Variants in NHSL1 observed in about 807,000 individuals in gnomAD.
NHSL1 encodes the protein NHS like 1.
In NHSL1, 48 loss-of-function variants were observed where a neutral mutation model predicts 95.0. That is an observed-to-expected ratio of 0.51 (90% confidence interval 0.40 to 0.64). NHSL1 has a LOEUF of 0.64. NHSL1 is among the 30% of genes least tolerant of loss of function. NHSL1 has a pLI of 0.00. For synonymous variants in NHSL1, 783 were observed against 833.9 expected, an observed-to-expected ratio of 0.94 and a Z score of 1.05; for missense variants, 1,971 against 2,077.7, an observed-to-expected ratio of 0.95 and a Z score of 1.00.
intron 1 of NHSL1, among the ~76,000 whole-genome samples, chr6:138,641,060 A>C (rs557911568): frequency 1.3e-5 from 2 of 152,374 alleles, no homozygotes; most frequent in East Asian, 3.9e-4. Flanking sequence ...GCTGATGAAG[A>C]TTCTTGCCCC....
In NHSL1 at chr6:138,432,238, T is replaced by C; in HGVS notation, c.2107A>G (p.Thr703Ala). Residue 703 changes from threonine (T) to alanine (A), a missense_variant, in exon 6 of 8, where the codon ACA becomes GCA. Physicochemically the swap from Thr to Ala is moderately conservative, Grantham distance 58. This residue lies in a region of NHSL1 where 1,602 missense variants were observed against 1,654.5 expected (regional missense o/e 0.97). Coordinates refer to ENST00000343505, the MANE Select transcript of NHSL1 (RefSeq NM_001144060.2). The surrounding 1 kb of genome is among the most constrained non-coding windows in gnomAD (Gnocchi z 4.4). ...CTCAGCTGCAGCGAGTGCTGGAGTG[T>C]GGCGATCAGGCTCTCGTTGAGCACC... The part of the protein sequence containing the change: ...GQVLNESLIA[T>A]LQHSLQLSLP... The C allele has an allele frequency of 6.5e-7, 1 of 1,549,152 alleles. No individual in the cohort carries two copies. Among genetic ancestry groups the C allele is most frequent in the South Asian group, 1.2e-5 (1 of 83,840 alleles).
At chr6:138,465,327 C>T (rs1484301468) in intron 3 of NHSL1, among the ~76,000 whole-genome samples, 1 of 152,146 alleles carries the variant, frequency 6.6e-6, no homozygotes, top group Non-Finnish European at 1.5e-5. Context: ...CAAAGAAACA[C>T]AGCAAGTGGC....
intron 3 of NHSL1, chr6:138,464,120 G>A (rs765966789): frequency 6.0e-5 from 32 of 532,682 alleles, no homozygotes; most frequent in Middle Eastern, 5.1e-4. Flanking sequence ...TATCCTCACC[G>A]CTATCTGGTC....
chr6:138,635,617 C>T (rs1178711569), intron 1 of NHSL1, among the ~76,000 whole-genome samples: 1 of 152,106 alleles, frequency 6.6e-6, no homozygotes, highest in African/African-American at 2.4e-5. Flanking sequence ...AATATTAATA[C>T]CAATCCTACT....
At chr6:138,553,522 T>C (rs1294559615) in intron 1 of NHSL1, among the ~76,000 whole-genome samples, 3 of 152,206 alleles carry the variant, frequency 2.0e-5, no homozygotes, top group Admixed American at 1.3e-4. Context: ...TGCTGGAACA[T>C]GATAGGTGAT....
At chr6:138,637,105 G>A (rs756354941) in intron 1 of NHSL1, among the ~76,000 whole-genome samples, 2 of 152,018 alleles carry the variant, frequency 1.3e-5, no homozygotes, top group South Asian at 2.1e-4. Context: ...CACATCTACC[G>A]TTAATTCATT....
At chr6:138,623,074 T>C (rs193131987) in intron 1 of NHSL1, among the ~76,000 whole-genome samples, 1 of 152,188 alleles carries the variant, frequency 6.6e-6, no homozygotes, top group African/African-American at 2.4e-5. Context: ...GGGCAGCAAG[T>C]GATGAAGTCA....
intron 1 of NHSL1, among the ~76,000 whole-genome samples, chr6:138,689,356 C>A (rs1391989567): frequency 6.6e-6 from 1 of 152,108 alleles, no homozygotes; most frequent in African/African-American, 2.4e-5. Flanking sequence ...AAGTAGGAGT[C>A]TTCAATGAAC....
At chr6:138,595,010 T>C (rs1784284204) in intron 1 of NHSL1, among the ~76,000 whole-genome samples, 1 of 152,198 alleles carries the variant, frequency 6.6e-6, no homozygotes, top group Non-Finnish European at 1.5e-5. Context: ...CATTTCACTA[T>C]ATGTCTTGGA....
intron 7 of NHSL1, among the ~76,000 whole-genome samples, chr6:138,428,804 AG>A (rs1411067463): frequency 6.6e-6 from 1 of 152,232 alleles, no homozygotes; most frequent in Non-Finnish European, 1.5e-5. Context: ...AAAAAAAGAA[AG>A]GATCTTCATT....
At chr6:138,604,005 A>T (rs1353992281) in intron 1 of NHSL1, among the ~76,000 whole-genome samples, 1 of 152,220 alleles carries the variant, frequency 6.6e-6, no homozygotes, top group Non-Finnish European at 1.5e-5. Context: ...AAATGTGTTC[A>T]GTACCAATAC....
intron 3 of NHSL1, among the ~76,000 whole-genome samples, chr6:138,454,983 A>G (rs1777487181): frequency 6.6e-6 from 1 of 152,192 alleles, no homozygotes; most frequent in Non-Finnish European, 1.5e-5. Flanking sequence ...GTATAAACAG[A>G]CCCTGATTAT....
At position 138,479,513 on chromosome 6, in the gene NHSL1, G is replaced by T. The variant is rs540969935; in HGVS notation, c.212-6080C>A. ...CAGTGTCTGCAGCGTGGATCCGATG[G>T]ACAAAGGGAGGTTTCATGTCTTAGG... On this transcript the variant is annotated intron_variant, in intron 2 of 7. Coordinates refer to ENST00000343505, the MANE Select transcript of NHSL1 (RefSeq NM_001144060.2). Among the ~76,000 whole-genome samples, 131 of 152,316 alleles carry T rather than the reference G, an allele frequency of 8.6e-4. 1 individual carries two copies. The highest frequency in any genetic ancestry group is 1.4e-3 in the Non-Finnish European group (93 of 68,030).
At chr6:138,472,043 G>A (rs1180832040) in intron 3 of NHSL1, among the ~76,000 whole-genome samples, 3 of 152,010 alleles carry the variant, frequency 2.0e-5, no homozygotes, top group South Asian at 2.1e-4. Flanking sequence ...TCTGCCAAGC[G>A]TGGTGGCGTG....
chr6:138,526,943 C>T (rs1038274866), intron 1 of NHSL1, among the ~76,000 whole-genome samples: 6 of 152,254 alleles, frequency 3.9e-5, no homozygotes, highest in Non-Finnish European at 7.4e-5. Context: ...GTTTGTCATT[C>T]GTGGTAGTTT....
chr6:138,663,682 C>G (rs1785259268), intron 1 of NHSL1, among the ~76,000 whole-genome samples: 1 of 151,946 alleles, frequency 6.6e-6, no homozygotes, highest in Non-Finnish European at 1.5e-5. Flanking sequence ...CCAGCCTGGT[C>G]AACATGGTGA....
At chr6:138,479,471 A>C (rs1779285243) in intron 2 of NHSL1, among the ~76,000 whole-genome samples, 1 of 152,166 alleles carries the variant, frequency 6.6e-6, no homozygotes, top group Admixed American at 6.5e-5. Context: ...CTGGCTACAA[A>C]CTGACTGATG....
At chr6:138,547,394 T>C (rs866000441), upstream of NHSL1, among the ~76,000 whole-genome samples, 1 of 152,260 alleles carries the variant, frequency 6.6e-6, no homozygotes, top group Middle Eastern at 3.4e-3. Flanking sequence ...TTCTTTTTTT[T>C]TCCCCTGAGA....
At chr6:138,684,954 T>G (rs931625368) in intron 1 of NHSL1, among the ~76,000 whole-genome samples, 1 of 151,696 alleles carries the variant, frequency 6.6e-6, no homozygotes, top group Non-Finnish European at 1.5e-5. Flanking sequence ...CATTTTATTT[T>G]ATACTTATAA....
Sources: allele counts gnomAD v4.1 joint callset (sites outside exome capture counted in the v4.1 genomes callset), GRCh38; gene constraint gnomAD v4.1.1; regional missense constraint gnomAD v4.1.1; non-coding constraint Gnocchi (gnomAD v3.1); transcripts MANE v1.5; gene names NCBI Gene and HGNC (gene_info 2026-07-23, HGNC 2026-07-21).